ERN1: variants seen among roughly 807,000 people sequenced by gnomAD.
ERN1 encodes the protein endoplasmic reticulum to nucleus signaling 1.
A neutral mutation model predicts 113.1 loss-of-function variants in ERN1; 39 were observed. The ratio of observed to expected loss-of-function variants is 0.34; its 90% CI spans 0.27 to 0.45. The LOEUF is 0.45. ERN1 is among the 20% of genes least tolerant of loss of function. The pLI, the probability that ERN1 is intolerant of heterozygous loss-of-function variation, is 1.00. For missense variants in ERN1, 976 were observed against 1,274.8 expected (o/e 0.77, Z 3.57); for synonymous variants, 507 against 515.9 (o/e 0.98, Z 0.23).
intron 19 of ERN1, among the ~76,000 whole-genome samples, 192 bp downstream of exon 19, chr17:64,047,666 T>C (rs1912553830): frequency 6.6e-6 from 1 of 152,178 alleles, no homozygotes; most frequent in African/African-American, 2.4e-5. Flanking sequence ...AAAAAAGGGA[T>C]TCTGAAACTG....
intron 11 of ERN1, 25 bp from the exon 12 acceptor site, chr17:64,058,018 T>C: frequency 3.3e-6 from 5 of 1,493,894 alleles, no homozygotes; most frequent in South Asian, 2.7e-5. Context: ...AGTTGCGACA[T>C]CACTGCAAAA....
chr17:64,049,719 C>CAGAA lies in ERN1; in HGVS notation c.2254-518_2254-517insTTCT, dbSNP rs1234126491. On this transcript the variant is annotated intron_variant, in intron 17 of 21. Coordinates refer to ENST00000433197, the MANE Select transcript of ERN1 (RefSeq NM_001433.5). This position sits in a 1 kb window ranked among gnomAD's most constrained non-coding sequence, Gnocchi z 4.7. ...ATTCAAAAACAGCCCTAGAAAGAAA[C>CAGAA]TATCTGACAAGTTACCAAGGAGGTC... Among the ~76,000 whole-genome samples the CAGAA allele has an allele frequency of 6.6e-6, 1 of 152,184 alleles. No individual in the cohort carries two copies. Among genetic ancestry groups the CAGAA allele is most frequent in the Non-Finnish European group, 1.5e-5 (1 of 68,040 alleles).
intron 11 of ERN1, among the ~76,000 whole-genome samples, 192 bp from the exon 12 acceptor site, chr17:64,058,185 C>T (rs945431814): frequency 2.0e-5 from 3 of 152,172 alleles, no homozygotes; most frequent in Non-Finnish European, 4.4e-5. Flanking sequence ...CTTTGAGAGG[C>T]CATGCATCTT....
At chr17:64,103,248 C>T (rs1914433825) in intron 1 of ERN1, among the ~76,000 whole-genome samples, 1 of 152,100 alleles carries the variant, frequency 6.6e-6, no homozygotes, top group African/African-American at 2.4e-5. Flanking sequence ...GTAATCCCAG[C>T]ACCTTTGGGA....
intron 17 of ERN1, among the ~76,000 whole-genome samples, chr17:64,050,454 G>A (rs186837313): frequency 1.3e-5 from 2 of 152,306 alleles, no homozygotes; most frequent in Admixed American, 1.3e-4. Flanking sequence ...TTAAACATGA[G>A]TGCCACGAAG....
At chr17:64,094,823 G>A (rs749800005) in intron 2 of ERN1, among the ~76,000 whole-genome samples, 62 of 151,672 alleles carry the variant, frequency 4.1e-4, no homozygotes, top group Admixed American at 1.1e-3. Context: ...CAAACCTCTC[G>A]TCACTACTAA....
At chr17:64,119,788 T>C (rs930836930) in intron 1 of ERN1, among the ~76,000 whole-genome samples, 1 of 152,174 alleles carries the variant, frequency 6.6e-6, no homozygotes, top group Non-Finnish European at 1.5e-5. Context: ...ATGCTGTGTC[T>C]AGTCTGGTCC....
chr17:64,054,300 G>A lies in ERN1; in HGVS notation c.1903C>T (p.Arg635Trp), dbSNP rs146710304. 1.2e-5 allele frequency: 19 copies of A among 1,613,850 alleles called. No individual in the cohort carries two copies. In the East Asian group the frequency reaches 2.2e-4, roughly 19 times the overall value. Residue 635 changes from arginine to tryptophan, a missense_variant, in exon 15 of 22, where the codon CGG becomes TGG. Arg to Trp is a moderately radical substitution (Grantham distance 101). Transcript: ENST00000433197. The surrounding 1 kb of genome is among the most constrained non-coding windows in gnomAD (Gnocchi z 4.9). ...VIRYFCTEKD[R>W]QFQYIAIELC... The stretch of plus-strand genomic sequence containing the variant: ...TCGATGGCAATGTACTGGAATTGCC[G>A]GTCCTTCTCCGTGCAGAAGTAGCGG...
At chr17:64,045,761 C>T (rs1912493923) in intron 19 of ERN1, among the ~76,000 whole-genome samples, 1 of 152,182 alleles carries the variant, frequency 6.6e-6, no homozygotes, top group South Asian at 2.1e-4. Context: ...TTCACATGTG[C>T]ACACACACGC....
chr17:64,074,689 A>C (rs931693426), intron 5 of ERN1, among the ~76,000 whole-genome samples: 3 of 152,228 alleles, frequency 2.0e-5, no homozygotes, highest in Non-Finnish European at 1.5e-5. Flanking sequence ...CAACATAGTA[A>C]AAGAAAAGCA....
chr17:64,091,875 T>C (rs917152160), intron 2 of ERN1, among the ~76,000 whole-genome samples: 1 of 152,124 alleles, frequency 6.6e-6, no homozygotes, highest in Non-Finnish European at 1.5e-5. Flanking sequence ...GAAGGGCCAG[T>C]TGTTGAAACG....
At chr17:64,112,945 G>C (rs1914713216) in intron 1 of ERN1, among the ~76,000 whole-genome samples, 1 of 152,200 alleles carries the variant, frequency 6.6e-6, no homozygotes, top group African/African-American at 2.4e-5. Context: ...ACTTGGGTGT[G>C]CTCTGGAGGT....
intron 1 of ERN1, among the ~76,000 whole-genome samples, chr17:64,123,251 C>A (rs1282796686): frequency 6.6e-6 from 1 of 152,164 alleles, no homozygotes; most frequent in Non-Finnish European, 1.5e-5. Context: ...GGGCCACCCT[C>A]AAAACCAGAG....
At chr17:64,119,580 C>T (rs527936319) in intron 1 of ERN1, among the ~76,000 whole-genome samples, 5 of 151,426 alleles carry the variant, frequency 3.3e-5, no homozygotes, top group African/African-American at 4.8e-5. Context: ...TTAGTAGAGA[C>T]GGGGTTTCAC....
intron 11 of ERN1, 85 bp from the exon 12 acceptor site, chr17:64,058,078 T>A: frequency 9.4e-7 from 1 of 1,066,998 alleles, no homozygotes; most frequent in East Asian, 2.6e-5. Context: ...GCAATCACTG[T>A]TTACAAGGAT....
At chr17:64,115,916 C>T (rs1914791967) in intron 1 of ERN1, among the ~76,000 whole-genome samples, 1 of 152,204 alleles carries the variant, frequency 6.6e-6, no homozygotes, top group Non-Finnish European at 1.5e-5. Context: ...GCTGCAGCTT[C>T]TTCTAGCCCC....
chr17:64,054,313 G>C lies in ERN1; in HGVS notation c.1890C>G (p.Cys630Trp), dbSNP rs1352343904. 1 of 1,613,732 alleles carries C rather than the reference G, an allele frequency of 6.2e-7. No individual in the cohort carries two copies. The highest frequency in any genetic ancestry group is 1.3e-5 in the African/African-American group (1 of 74,938). ...ACTGGAATTGCCGGTCCTTCTCCGTGCAGAAGTAGCGGATCACGTTCGGGT... is the reference window on the plus strand; with the variant it reads ...ACTGGAATTGCCGGTCCTTCTCCGTCCAGAAGTAGCGGATCACGTTCGGGT... ...DEHPNVIRYFCTEKDRQFQYI... is the reference protein window; with the variant it reads ...DEHPNVIRYFWTEKDRQFQYI... Residue 630 changes from cysteine to tryptophan, a missense_variant, in exon 15 of 22, where the codon TGC (cysteine) becomes TGG (tryptophan). By Grantham distance (215) the Cys-to-Trp change is radical (BLOSUM62 -2). Around this residue, in one of 5 missense-constraint regions of ERN1, gnomAD observed 297 missense variants for 457.8 expected, o/e 0.65. Transcript: ENST00000433197. This position sits in a 1 kb window ranked among gnomAD's most constrained non-coding sequence, Gnocchi z 4.9.
At chr17:64,055,170 A>G (rs529543792) in intron 13 of ERN1, among the ~76,000 whole-genome samples, 3 of 152,384 alleles carry the variant, frequency 2.0e-5, no homozygotes, top group Non-Finnish European at 4.4e-5. Context: ...CAACCACCAC[A>G]AAGTCCACTG....
intron 2 of ERN1, among the ~76,000 whole-genome samples, chr17:64,083,396 T>A (rs1395433058): frequency 6.7e-6 from 1 of 148,990 alleles, no homozygotes; most frequent in Non-Finnish European, 1.5e-5. Flanking sequence ...ATTCTTGCTT[T>A]AAAAAAAAAA....
Sources: gnomAD v4.1 joint callset for allele counts (sites outside exome capture counted in the v4.1 genomes callset) on GRCh38, gnomAD v4.1.1 for gene constraint, gnomAD v4.1.1 regional missense constraint, Gnocchi (gnomAD v3.1) non-coding constraint, MANE v1.5 for transcripts, NCBI Gene and HGNC (gene_info 2026-07-23, HGNC 2026-07-21) for gene names.